CHD3: variants seen among roughly 807,000 people sequenced by gnomAD.
CHD3 encodes the protein chromodomain helicase DNA binding protein 3.
CHD3 carries 52 observed loss-of-function variants against 248.9 expected under a neutral mutation model. That is an observed-to-expected ratio of 0.21 (90% confidence interval 0.17 to 0.26). The LOEUF (loss-of-function observed/expected upper bound fraction) is 0.26. Among genes scored for constraint, CHD3 ranks in the 10% least tolerant of loss-of-function variants. The probability of loss-of-function intolerance (pLI) is 1.00; values close to 1 mark genes in which losing one functional copy is unlikely to be tolerated. For missense variants in CHD3, 1,482 were observed against 2,605.8 expected, an observed-to-expected ratio of 0.57 and a Z score of 9.39; for synonymous variants, 985 against 985.2, an observed-to-expected ratio of 1.00 and a Z score of 0.00.
chr17:7,902,730 G>A lies in CHD3; in HGVS notation c.3370+3G>A, dbSNP rs1309585088. On this transcript the variant is annotated splice_donor_region_variant and intron_variant, in intron 21 of 39. Transcript: ENST00000330494. ...GGAGGCCATCGATCGGTTTAATGGT[G>A]AGGGAGATACACTGGTCCCTGGTGG... 2 of 1,612,112 alleles carry A rather than the reference G, an allele frequency of 1.2e-6. No homozygotes were observed. Among genetic ancestry groups the A allele is most frequent in the Admixed American group, 3.3e-5 (2 of 59,950 alleles).
chr17:7,885,040 G>GCCGCCGCCA (rs1313572441), upstream of CHD3: 4 of 1,113,918 alleles, frequency 3.6e-6, no homozygotes, highest in African/African-American at 6.8e-5. Context: ...CGCCGCCGCC[G>GCCGCCGCCA]CCGCCGCCAC....
rs199912893 is a variant in CHD3 at position 7,910,996 on chromosome 17, C to G, written c.5881+23C>G. ...CAGGTCAGCTGGTGTTTTCCTACCCCCTGCTACTCACACTCCTCCTTTGCC... is the reference window on the plus strand; with the variant it reads ...CAGGTCAGCTGGTGTTTTCCTACCCGCTGCTACTCACACTCCTCCTTTGCC... On this transcript the variant is annotated intron_variant, in intron 39 of 39. Transcript: ENST00000330494. This position sits in a 1 kb window ranked among gnomAD's most constrained non-coding sequence, Gnocchi z 4.7. 454 of 1,612,030 alleles carry G rather than the reference C, an allele frequency of 2.8e-4. No homozygotes were observed. The highest frequency in any genetic ancestry group is 3.7e-4 in the Non-Finnish European group (436 of 1,179,396).
rs569535363 is a variant in CHD3, at chr17:7,898,519, C to T, written c.2075C>T (p.Pro692Leu). The T allele has an allele frequency of 4.7e-5, 76 of 1,614,022 alleles. No homozygotes were observed. The highest frequency in any genetic ancestry group is 3.3e-4 in the Middle Eastern group (2 of 6,062). ...AGAGAACTAATTATGGGGGAAGACC[C>T]TGCCCAGCCCCGCAAGTATAAGAAG... Reference protein sequence around the residue: ...RHRELIMGEDPAQPRKYKKKK... With the variant: ...RHRELIMGEDLAQPRKYKKKK... Residue 692 changes from proline (P) to leucine (L), a missense_variant, in exon 13 of 40, where the codon CCT becomes CTT. This residue lies in a region of CHD3 where 127 missense variants were observed against 188.3 expected (regional missense o/e 0.67). Coordinates refer to ENST00000330494, the MANE Select transcript of CHD3 (RefSeq NM_001005273.3).
Position 7,904,423 on chromosome 17 carries a change from T to C in CHD3, c.3895-19T>C, listed in dbSNP as rs751372667. ...AAAGAAGGAGACCCCCAGTGTTCAT[T>C]CATTCTGTTGCCCTTCAGATTGAGG... On this transcript the variant is annotated intron_variant, in intron 24 of 39. Transcript: ENST00000330494. This position sits in a 1 kb window ranked among gnomAD's most constrained non-coding sequence, Gnocchi z 4.4. 2 of 1,605,830 alleles carry C rather than the reference T, an allele frequency of 1.2e-6. No homozygotes were observed. Among genetic ancestry groups the C allele is most frequent in the East Asian group, 2.2e-5 (1 of 44,700 alleles).
chr17:7,903,074 A>G lies in CHD3; in HGVS notation c.3495+13A>G. On this transcript the variant is annotated intron_variant, in intron 22 of 39. Transcript: ENST00000330494. This position sits in a 1 kb window ranked among gnomAD's most constrained non-coding sequence, Gnocchi z 6.8. The stretch of plus-strand genomic sequence containing the variant: ...TAATGACATCCAGGTGGGAACTCGC[A>G]TCCTAGAACCCCTGCACCATTTAGC... 1 of 1,611,712 alleles carries G rather than the reference A, an allele frequency of 6.2e-7. No homozygotes were observed. Among genetic ancestry groups the G allele is most frequent in the Non-Finnish European group, 8.5e-7 (1 of 1,178,146 alleles).
At position 7,897,563 on chromosome 17, in the gene CHD3, A is replaced by G. The variant is rs1283254696; in HGVS notation, c.1919+269A>G. Among the ~76,000 whole-genome samples, 1 of 152,252 alleles carries G rather than the reference A, an allele frequency of 6.6e-6. No homozygotes were observed. The highest frequency in any genetic ancestry group is 6.5e-5 in the Admixed American group (1 of 15,290). ...AGCACATGAGTCTGGGGATGAGGGCATGAAAGCAAAACATGAGAGACATAA... is the reference window on the plus strand; with the variant it reads ...AGCACATGAGTCTGGGGATGAGGGCGTGAAAGCAAAACATGAGAGACATAA... On this transcript the variant is annotated intron_variant, in intron 11 of 39. Coordinates refer to ENST00000330494, the MANE Select transcript of CHD3 (RefSeq NM_001005273.3). The surrounding 1 kb of genome is among the most constrained non-coding windows in gnomAD (Gnocchi z 4.8).
chr17:7,887,588 G>T (rs1351660241), upstream of CHD3, among the ~76,000 whole-genome samples: 1 of 152,126 alleles, frequency 6.6e-6, no homozygotes, highest in East Asian at 1.9e-4. Context: ...TATTATGGTG[G>T]TGCGTTGTGG....
chr17:7,908,266 C>T lies in CHD3; in HGVS notation c.5153-136C>T. On this transcript the variant is annotated intron_variant, in intron 34 of 39. Coordinates refer to ENST00000330494, the MANE Select transcript of CHD3 (RefSeq NM_001005273.3). This position sits in a 1 kb window ranked among gnomAD's most constrained non-coding sequence, Gnocchi z 5.8. Reference sequence around the variant, plus strand: ...TGGTTAGAACTGAGTTTGTTCCAAACCTAACCTTTACCCATTCCTCTTCAG... The same window carrying T: ...TGGTTAGAACTGAGTTTGTTCCAAATCTAACCTTTACCCATTCCTCTTCAG... 2.3e-6 allele frequency: 2 copies of T among 855,528 alleles called. No individual in the cohort carries two copies. Among genetic ancestry groups the T allele is most frequent in the Non-Finnish European group, 3.6e-6 (2 of 552,572 alleles). The allele number at this position is 855,528 out of a possible 1,614,324, so 53.0% of individuals were successfully genotyped here. A position where few individuals can be genotyped will look rare whatever the true frequency, so the allele number is the denominator to read the frequency against.
chr17:7,911,835 G>A lies in CHD3; in HGVS notation c.*250G>A. ...GAAGAAGTCTGGGTGGGAGATGGCTGGCAGGGTCTTCCAAGTACCTTCCTC... is the reference window on the plus strand; with the variant it reads ...GAAGAAGTCTGGGTGGGAGATGGCTAGCAGGGTCTTCCAAGTACCTTCCTC... On this transcript the variant is annotated 3_prime_UTR_variant, in exon 40 of 40. Transcript: ENST00000330494. The surrounding 1 kb of genome is among the most constrained non-coding windows in gnomAD (Gnocchi z 5.4). 8.6e-7 allele frequency: 1 copy of A among 1,157,296 alleles called. No homozygotes were observed. Among genetic ancestry groups the A allele is most frequent in the South Asian group, 1.4e-5 (1 of 72,784 alleles). The allele number at this position is 1,157,296 out of a possible 1,614,324, so 71.7% of individuals were successfully genotyped here. A position where few individuals can be genotyped will look rare whatever the true frequency, so the allele number is the denominator to read the frequency against.
At chr17:7,892,847 C>T (rs1187621345) in intron 4 of CHD3, among the ~76,000 whole-genome samples, 1 of 152,154 alleles carries the variant, frequency 6.6e-6, no homozygotes, top group Admixed American at 6.5e-5. Context: ...GGCTGCACTG[C>T]AGTGGTGTGA....
In CHD3 at chr17:7,899,701, TC is replaced by T. The variant is rs1363769569; in HGVS notation, c.2544+161del. ...ACCATCCTAGAGATATGGCAGGTACTCCCAGGGGCATACATGGATCTGTCGG... is the reference window on the plus strand; with the variant it reads ...ACCATCCTAGAGATATGGCAGGTACTCCAGGGGCATACATGGATCTGTCGG... On this transcript the variant is annotated intron_variant, in intron 15 of 39. Coordinates refer to ENST00000330494, the MANE Select transcript of CHD3 (RefSeq NM_001005273.3). The surrounding 1 kb of genome is among the most constrained non-coding windows in gnomAD (Gnocchi z 6.8). 6.6e-6 allele frequency among the ~76,000 whole-genome samples: 1 copy of T among 152,132 alleles called. No individual in the cohort carries two copies. Among genetic ancestry groups the T allele is most frequent in the Non-Finnish European group, 1.5e-5 (1 of 68,004 alleles).
In CHD3 at chr17:7,891,069, G is replaced by C. The variant is rs752769159; in HGVS notation, c.509+5G>C. 3 of 1,613,410 alleles carry C rather than the reference G, an allele frequency of 1.9e-6. No individual in the cohort carries two copies. ...AGCCTTCAGCCAGTTCATGAGGTGCGGTAAGACTGGGGAATCCTCGCTAAT... is the reference window on the plus strand; with the variant it reads ...AGCCTTCAGCCAGTTCATGAGGTGCCGTAAGACTGGGGAATCCTCGCTAAT... On this transcript the variant is annotated splice_donor_5th_base_variant and intron_variant, in intron 4 of 39. Transcript: ENST00000330494.
chr17:7,895,705 T>C lies in CHD3; in HGVS notation c.1707+163T>C, dbSNP rs2151520903. On this transcript the variant is annotated intron_variant, in intron 10 of 39. Transcript: ENST00000330494. This position sits in a 1 kb window ranked among gnomAD's most constrained non-coding sequence, Gnocchi z 4.9. ...GCTTAGTTTCCATATGTGGTTCTTT[T>C]GGTCTACAGTCCTCTTTCTCTCAGT... 1.6e-6 allele frequency: 1 copy of C among 631,316 alleles called. No homozygotes were observed. Among genetic ancestry groups the C allele is most frequent in the Non-Finnish European group, 2.8e-6 (1 of 360,144 alleles). The allele number at this position is 631,316 out of a possible 1,614,324, so 39.1% of individuals were successfully genotyped here. A position where few individuals can be genotyped will look rare whatever the true frequency, so the allele number is the denominator to read the frequency against.
At position 7,910,994 on chromosome 17, in the gene CHD3, C is replaced by G. The variant is rs370127612; in HGVS notation, c.5881+21C>G. ...CACAGGTCAGCTGGTGTTTTCCTACCCCCTGCTACTCACACTCCTCCTTTG... is the reference window on the plus strand; with the variant it reads ...CACAGGTCAGCTGGTGTTTTCCTACGCCCTGCTACTCACACTCCTCCTTTG... On this transcript the variant is annotated intron_variant, in intron 39 of 39. Transcript: ENST00000330494. This position sits in a 1 kb window ranked among gnomAD's most constrained non-coding sequence, Gnocchi z 4.7. The G allele has an allele frequency of 1.2e-6, 2 of 1,612,250 alleles. No individual in the cohort carries two copies. The highest frequency in any genetic ancestry group is 2.7e-5 in the African/African-American group (2 of 74,748).
chr17:7,904,601 G>A lies in CHD3; in HGVS notation c.4054G>A (p.Ala1352Thr), dbSNP rs2151615882. ...RVRKQVNYND[A>T]AQEDQDNQSE... Reference sequence around the variant, plus strand: ...TCGCAAGCAAGTTAACTACAATGATGCTGCTCAGGAAGACCAAGGTGAGGA... The same window carrying A: ...TCGCAAGCAAGTTAACTACAATGATACTGCTCAGGAAGACCAAGGTGAGGA... The change falls in exon 25 of 40, where the codon GCT becomes ACT. Residue 1352 changes from alanine to threonine, a missense_variant. By Grantham distance (58) the Ala-to-Thr change is moderately conservative. This residue lies in a region of CHD3 where 156 missense variants were observed against 420.3 expected (regional missense o/e 0.37). Coordinates refer to ENST00000330494, the MANE Select transcript of CHD3 (RefSeq NM_001005273.3). This position sits in a 1 kb window ranked among gnomAD's most constrained non-coding sequence, Gnocchi z 4.4. The A allele has an allele frequency of 6.2e-7, 1 of 1,613,982 alleles. No individual in the cohort carries two copies. Among genetic ancestry groups the A allele is most frequent in the Non-Finnish European group, 8.5e-7 (1 of 1,179,902 alleles).
chr17:7,897,348 A>T lies in CHD3; in HGVS notation c.1919+54A>T. 2.1e-6 allele frequency: 3 copies of T among 1,431,540 alleles called. No individual in the cohort carries two copies. In the Admixed American group the frequency reaches 5.0e-5, roughly 24 times the overall value. 88.7% of individuals were successfully genotyped at this position (1,431,540 alleles called of 1,614,324 possible). The stretch of plus-strand genomic sequence containing the variant: ...CCTGGTATATGACATTATTCTTACC[A>T]TGGTGATGGCCCCATGTTAGTATTT... On this transcript the variant is annotated intron_variant, in intron 11 of 39. Coordinates refer to ENST00000330494, the MANE Select transcript of CHD3 (RefSeq NM_001005273.3). This position sits in a 1 kb window ranked among gnomAD's most constrained non-coding sequence, Gnocchi z 4.8.
chr17:7,888,553 A>G (rs572540707), upstream of CHD3, among the ~76,000 whole-genome samples: 1 of 151,418 alleles, frequency 6.6e-6, no homozygotes, highest in African/African-American at 2.4e-5. Flanking sequence ...ATGTGGGGTA[A>G]CTCTCCGTTC....
upstream of CHD3, chr17:7,885,123 G>A (rs965396549): frequency 1.0e-6 from 1 of 983,088 alleles, no homozygotes; most frequent in Non-Finnish European, 1.2e-6. Flanking sequence ...GCCCGAGTGG[G>A]AGCCGCGGGC....
chr17:7,893,206 A>G lies in CHD3; in HGVS notation c.510-80A>G, dbSNP rs942759970. 7 of 1,473,438 alleles carry G rather than the reference A, an allele frequency of 4.8e-6. No homozygotes were observed. In the Admixed American group the frequency reaches 1.9e-4, roughly 40 times the overall value. The allele number at this position is 1,473,438 out of a possible 1,614,324, so 91.3% of individuals were successfully genotyped here. ...CACCCAGGAATCCTAGCATGTACAT[A>G]GATTTAATTGATGAGGGGAGATGGC... On this transcript the variant is annotated intron_variant, in intron 4 of 39. Transcript: ENST00000330494.
Sources: gnomAD v4.1 joint callset for allele counts (sites outside exome capture counted in the v4.1 genomes callset) on GRCh38, gnomAD v4.1.1 for gene constraint, gnomAD v4.1.1 regional missense constraint, Gnocchi (gnomAD v3.1) non-coding constraint, MANE v1.5 for transcripts, NCBI Gene and HGNC (gene_info 2026-07-23, HGNC 2026-07-21) for gene names.